ATP2C1: variants seen among roughly 807,000 people sequenced by gnomAD.
The protein encoded by ATP2C1 is ATPase secretory pathway Ca2+ transporting 1.
Under a neutral mutation model 120.5 loss-of-function variants are expected in ATP2C1, and 31 were observed. The ratio of observed to expected loss-of-function variants is 0.26; its 90% CI spans 0.19 to 0.35. The LOEUF is 0.35. Among genes scored for constraint, ATP2C1 ranks in the 10% least tolerant of loss-of-function variants. ATP2C1 has a pLI of 1.00. For missense variants in ATP2C1, 731 were observed against 1,107.5 expected, an observed-to-expected ratio of 0.66 and a Z score of 4.83; for synonymous variants, 351 against 358.7, an observed-to-expected ratio of 0.98 and a Z score of 0.24.
chr3:130,989,247 C>CAAAA, intron 20 of ATP2C1, among the ~76,000 whole-genome samples: 1 of 121,958 alleles, frequency 8.2e-6, no homozygotes, highest in Admixed American at 8.6e-5. Flanking sequence ...AAATCCATCT[C>CAAAA]AAAAAAAAAA....
chr3:130,953,846 C>A lies in ATP2C1; in HGVS notation c.557C>A (p.Ser186Tyr). 1.2e-6 allele frequency: 2 copies of A among 1,613,968 alleles called. No individual in the cohort carries two copies. Among genetic ancestry groups the A allele is most frequent in the Non-Finnish European group, 1.7e-6 (2 of 1,179,944 alleles). ...GCTGTGGATCTTTCCATTGATGAGT[C>A]CAGCTTGACAGGTGAGACAACGCCT... Reference protein sequence around the residue: ...FEAVDLSIDESSLTGETTPCS... With the variant: ...FEAVDLSIDEYSLTGETTPCS... The change falls in exon 9 of 28, where the codon TCC (serine) becomes TAC (tyrosine). Residue 186 changes from serine (S) to tyrosine (Y), a missense_variant. Coordinates refer to ENST00000510168, the MANE Select transcript of ATP2C1 (RefSeq NM_001378687.1).
At chr3:130,995,312 G>A (rs1170650240) in intron 22 of ATP2C1, among the ~76,000 whole-genome samples, 4 of 151,996 alleles carry the variant, frequency 2.6e-5, no homozygotes, top group African/African-American at 9.7e-5. Flanking sequence ...CTACTCTAGA[G>A]GCTGAGCTGG....
chr3:131,003,829 A>G (rs2062999888), downstream of ATP2C1, among the ~76,000 whole-genome samples: 1 of 152,244 alleles, frequency 6.6e-6, no homozygotes, highest in Admixed American at 6.5e-5. Context: ...TAAAGTAAGT[A>G]TTGGTCACAC....
At chr3:130,918,816 C>A (rs1020124057) in intron 2 of ATP2C1, 10 of 342,516 alleles carry the variant, frequency 2.9e-5, no homozygotes, top group Non-Finnish European at 5.7e-5. Flanking sequence ...ATGGTGAAAC[C>A]CGGTCTCTAC....
intron 2 of ATP2C1, among the ~76,000 whole-genome samples, chr3:130,908,456 T>C (rs939637642): frequency 2.0e-5 from 3 of 148,724 alleles, no homozygotes; most frequent in Non-Finnish European, 3.0e-5. Context: ...TATTGTGTGG[T>C]TCTATTAGAA....
intron 2 of ATP2C1, among the ~76,000 whole-genome samples, chr3:130,911,877 C>T (rs1297700654): frequency 1.4e-5 from 2 of 145,530 alleles, no homozygotes; most frequent in African/African-American, 2.6e-5. Flanking sequence ...GTAACCAAAA[C>T]AGCATGGTAC....
intron 1 of ATP2C1, among the ~76,000 whole-genome samples, chr3:130,875,259 C>T (rs1361092214): frequency 6.6e-6 from 1 of 152,166 alleles, no homozygotes; most frequent in African/African-American, 2.4e-5. Flanking sequence ...TATCCATTAA[C>T]CAACCTCTCC....
chr3:130,962,019 C>T (rs1398460443), intron 12 of ATP2C1, among the ~76,000 whole-genome samples: 2 of 152,014 alleles, frequency 1.3e-5, no homozygotes, highest in Admixed American at 6.6e-5. Context: ...AATCATTCTG[C>T]AGCAAGGACT....
intron 10 of ATP2C1, 130 bp from the exon 11 acceptor site, chr3:130,955,974 A>G (rs1317991537): frequency 1.4e-6 from 1 of 690,794 alleles, no homozygotes; most frequent in Non-Finnish European, 2.7e-6. Context: ...GAAGGTGATT[A>G]TTTACCTTAT....
chr3:130,941,837 C>CT (rs537999689), intron 8 of ATP2C1, 138 bp downstream of exon 8: 3,226 of 695,604 alleles, frequency 4.6e-3, no homozygotes, highest in East Asian at 5.2e-3. Context: ...CATATATAAA[C>CT]TTTTTTTTTT....
intron 2 of ATP2C1, among the ~76,000 whole-genome samples, chr3:130,919,426 C>G (rs1470778729): frequency 6.6e-6 from 1 of 151,886 alleles, no homozygotes; most frequent in Non-Finnish European, 1.5e-5. Flanking sequence ...ACCATGTTAA[C>G]CAGGCTGTTG....
Position 131,001,679 on chromosome 3 carries a change from TTAGA to T in ATP2C1, c.*336_*339del, listed in dbSNP as rs2062891933. On this transcript the variant is annotated 3_prime_UTR_variant, in exon 28 of 28. Coordinates refer to ENST00000510168, the MANE Select transcript of ATP2C1 (RefSeq NM_001378687.1). ...TAACAGTACAAATACACTATCTATC[TTAGA>T]TAGATATATTTTTTTTTATTTTTAA... 4.1e-6 allele frequency: 4 copies of T among 981,114 alleles called. No homozygotes were observed. The highest frequency in any genetic ancestry group is 4.9e-6 in the Non-Finnish European group (4 of 823,762). The allele number at this position is 981,114 out of a possible 1,614,324, so 60.8% of individuals were successfully genotyped here. A position where few individuals can be genotyped will look rare whatever the true frequency, so the allele number is the denominator to read the frequency against.
intron 5 of ATP2C1, among the ~76,000 whole-genome samples, chr3:130,936,263 A>G (rs965361474): frequency 6.6e-6 from 1 of 152,142 alleles, no homozygotes; most frequent in Admixed American, 6.5e-5. Context: ...GATTTGGGCA[A>G]TCTTGGGGAA....
chr3:130,995,874 A>G (rs2062596096), intron 22 of ATP2C1, among the ~76,000 whole-genome samples, 169 bp from the exon 23 acceptor site: 1 of 152,054 alleles, frequency 6.6e-6, no homozygotes, highest in East Asian at 1.9e-4. Flanking sequence ...CGAACTCGTG[A>G]CCCCAGGTGA....
At chr3:131,013,511 C>T (rs1464288051) in intron 26 of ATP2C1, among the ~76,000 whole-genome samples, 1 of 152,154 alleles carries the variant, frequency 6.6e-6, no homozygotes, top group Non-Finnish European at 1.5e-5. Flanking sequence ...TGGCTGAAGC[C>T]ATTAGTTTCA....
rs72628525 is a variant in ATP2C1, at chr3:130,906,015, T to A, written c.6+11240T>A. On this transcript the variant is annotated intron_variant, in intron 2 of 27. Transcript: ENST00000510168. ...CCGGAGCCACCTACAGTATGAATAC[T>A]AATTCTCTCATAGCTGTGGTAAATC... 0.018 allele frequency among the ~76,000 whole-genome samples: 2,778 copies of A among 152,232 alleles called. 152 individuals are homozygous for A. In the East Asian group the frequency reaches 0.21, roughly 12 times the overall value.
intron 7 of ATP2C1, among the ~76,000 whole-genome samples, chr3:130,941,248 GTGTGTGTGTGTGTGTGTC>G (rs1237581873): frequency 6.7e-6 from 1 of 148,884 alleles, no homozygotes; most frequent in African/African-American, 2.5e-5. Flanking sequence ...GTGTGTGTGT[GTGTGTGTGTGTGTGTGTC>G]TGTGTGTGTG....
chr3:130,902,297 G>GTTTTTTTTTTTTTTTTTTTTTTTTTTTT (rs398052267), intron 2 of ATP2C1, among the ~76,000 whole-genome samples: 1 of 13,252 alleles, frequency 7.5e-5, no homozygotes, highest in African/African-American at 2.1e-4. Context: ...TTTTTTTTTT[G>GTTTTTTTTTTTTTTTTTTTTTTTTTTTT]TTTTTTTTTT....
At chr3:130,959,734 C>A (rs1410941261) in intron 12 of ATP2C1, among the ~76,000 whole-genome samples, 2 of 151,900 alleles carry the variant, frequency 1.3e-5, no homozygotes, top group African/African-American at 4.8e-5. Flanking sequence ...TTTGTATTTT[C>A]AGAGACTTGT....
Sources: gnomAD v4.1 joint callset for allele counts (sites outside exome capture counted in the v4.1 genomes callset) on GRCh38, gnomAD v4.1.1 for gene constraint, MANE v1.5 for transcripts, NCBI Gene and HGNC (gene_info 2026-07-23, HGNC 2026-07-21) for gene names.